The following RNF144A variants were observed in gnomAD, a reference collection of about 807,000 sequenced individuals.
RNF144A encodes the protein ring finger protein 144A.
Under a neutral mutation model 38.7 loss-of-function variants are expected in RNF144A, and 11 were observed. That is an observed-to-expected ratio of 0.28 (90% CI 0.18 to 0.47). The LOEUF (loss-of-function observed/expected upper bound fraction) is 0.47. Among genes scored for constraint, RNF144A ranks in the 20% least tolerant of loss-of-function variants. The probability of loss-of-function intolerance (pLI) is 0.99; values close to 1 mark genes in which losing one functional copy is unlikely to be tolerated. For synonymous variants in RNF144A, 149 were observed against 143.9 expected, an observed-to-expected ratio of 1.04 and a Z score of -0.25; for missense variants, 316 against 377.2, an observed-to-expected ratio of 0.84 and a Z score of 1.34.
intron 2 of RNF144A, among the ~76,000 whole-genome samples, chr2:6,973,139 T>A (rs115612747): frequency 1.5e-3 from 228 of 152,338 alleles, no homozygotes; most frequent in African/African-American, 5.2e-3. Context: ...CAGGTTCAGA[T>A]GGTGCCTTAG....
chr2:6,923,696 G>A (rs1664687199), intron 1 of RNF144A, among the ~76,000 whole-genome samples: 2 of 152,198 alleles, frequency 1.3e-5, no homozygotes, highest in African/African-American at 4.8e-5. Flanking sequence ...CGGAGTTAAA[G>A]CTCCAGGGTC....
intron 2 of RNF144A, among the ~76,000 whole-genome samples, chr2:6,966,450 G>C (rs1475331062): frequency 2.0e-5 from 3 of 152,216 alleles, no homozygotes; most frequent in Non-Finnish European, 2.9e-5. Context: ...AGACTAAACA[G>C]CCGTGGTCAG....
Position 6,966,423 on chromosome 2 carries a change from A to T in RNF144A, c.-12+25276A>T, listed in dbSNP as rs371054232. Among the ~76,000 whole-genome samples, 31 of 152,342 alleles carry T rather than the reference A, an allele frequency of 2.0e-4. No individual in the cohort carries two copies. In the South Asian group the frequency reaches 2.3e-3, roughly 11 times the overall value. On this transcript the variant is annotated intron_variant, in intron 2 of 8. Transcript: ENST00000320892. Reference sequence around the variant, plus strand: ...TCTTCACCTTCTAGCTAGGATGCAGAAACAGCAGCAACACGAAGACTAAAC... The same window carrying T: ...TCTTCACCTTCTAGCTAGGATGCAGTAACAGCAGCAACACGAAGACTAAAC...
At chr2:7,016,938 C>T (rs974406424) in intron 5 of RNF144A, among the ~76,000 whole-genome samples, 2 of 152,170 alleles carry the variant, frequency 1.3e-5, no homozygotes, top group Non-Finnish European at 2.9e-5. Context: ...TTGGTTTTAG[C>T]GTCAATGTCT....
At position 7,043,126 on chromosome 2, in the gene RNF144A, C is replaced by T. The variant is rs544080252; in HGVS notation, c.*3366C>T. 1 of 950,508 alleles carries T rather than the reference C, an allele frequency of 1.1e-6. No individual in the cohort carries two copies. The highest frequency in any genetic ancestry group is 1.3e-6 in the Non-Finnish European group (1 of 798,224). 58.9% of individuals were successfully genotyped at this position (950,508 alleles called of 1,614,324 possible). A position where few individuals can be genotyped will look rare whatever the true frequency, so the allele number is the denominator to read the frequency against. ...CAGGTGATCTGCCCACCTCGGCTTC[C>T]CAAAGTGCTGGAATTACAGGCCTGA... On this transcript the variant is annotated 3_prime_UTR_variant, in exon 9 of 9. Coordinates refer to ENST00000320892, the MANE Select transcript of RNF144A (RefSeq NM_014746.6).
chr2:7,068,504 G>A (rs1442288799), downstream of RNF144A, among the ~76,000 whole-genome samples: 1 of 152,202 alleles, frequency 6.6e-6, no homozygotes, highest in Non-Finnish European at 1.5e-5. Context: ...GAAAGAGAGG[G>A]TGATAGCAGT....
At chr2:6,987,304 G>A (rs77726351) in intron 2 of RNF144A, among the ~76,000 whole-genome samples, 1 of 152,308 alleles carries the variant, frequency 6.6e-6, no homozygotes. Flanking sequence ...GAGGCGTCTC[G>A]GGGCCACACC....
chr2:7,074,779 G>C, the RNF144A span: 5 of 152,998 alleles, frequency 3.3e-5, no homozygotes, highest in Non-Finnish European at 5.8e-5. Flanking sequence ...AAGAAAAAAA[G>C]GAAGGAAGGA....
intron 6 of RNF144A, among the ~76,000 whole-genome samples, chr2:7,023,412 A>G (rs1671664369): frequency 6.6e-6 from 1 of 152,146 alleles, no homozygotes; most frequent in South Asian, 2.1e-4. Flanking sequence ...ATACCCATAC[A>G]TGTGTTAAAT....
chr2:7,034,921 G>A (rs1334224349), intron 8 of RNF144A, among the ~76,000 whole-genome samples: 3 of 152,192 alleles, frequency 2.0e-5, no homozygotes, highest in Non-Finnish European at 4.4e-5. Context: ...AGAGGGTGTG[G>A]TGTCTTGCTG....
chr2:6,928,159 G>A (rs937210237), intron 1 of RNF144A, among the ~76,000 whole-genome samples: 4 of 152,210 alleles, frequency 2.6e-5, no homozygotes, highest in African/African-American at 9.6e-5. Flanking sequence ...TGTTCAACCA[G>A]CTCAACTCTG....
intron 3 of RNF144A, among the ~76,000 whole-genome samples, chr2:7,006,176 T>A (rs1670431054): frequency 6.6e-6 from 1 of 152,184 alleles, no homozygotes; most frequent in Non-Finnish European, 1.5e-5. Flanking sequence ...GACGAGGGTC[T>A]GGAGTTGTCG....
chr2:6,965,254 A>C (rs1667587203), intron 2 of RNF144A, among the ~76,000 whole-genome samples: 6 of 152,176 alleles, frequency 3.9e-5, no homozygotes, highest in Admixed American at 3.9e-4. Flanking sequence ...TGGAGGGAAA[A>C]TAGGGAAATA....
At chr2:6,940,566 A>G (rs968242489) in intron 1 of RNF144A, among the ~76,000 whole-genome samples, 1 of 151,164 alleles carries the variant, frequency 6.6e-6, no homozygotes, top group African/African-American at 2.4e-5. Context: ...TTATTTTATT[A>G]TATACTTCTG....
chr2:7,020,461 T>G lies in RNF144A; in HGVS notation c.302-12T>G. On this transcript the variant is annotated splice_polypyrimidine_tract_variant and intron_variant, in intron 5 of 8. Coordinates refer to ENST00000320892, the MANE Select transcript of RNF144A (RefSeq NM_014746.6). ...TTAAGTTTGATTTGTCCATTTTGTC[T>G]CACTGTACCAGAGGTGCTGTTTGAT... 1 of 1,609,170 alleles carries G rather than the reference T, an allele frequency of 6.2e-7. No homozygotes were observed. The highest frequency in any genetic ancestry group is 8.5e-7 in the Non-Finnish European group (1 of 1,176,186).
At chr2:6,953,796 T>C (rs1306302969) in intron 2 of RNF144A, among the ~76,000 whole-genome samples, 1 of 152,204 alleles carries the variant, frequency 6.6e-6, no homozygotes, top group East Asian at 1.9e-4. Flanking sequence ...TTTCTACATT[T>C]TCACTAGTTT....
chr2:6,939,909 C>T (rs962440661), intron 1 of RNF144A, among the ~76,000 whole-genome samples: 1 of 152,100 alleles, frequency 6.6e-6, no homozygotes, highest in African/African-American at 2.4e-5. Flanking sequence ...ATCTATTAAT[C>T]CATATGTCTG....
chr2:6,934,557 T>C (rs191848649), intron 1 of RNF144A, among the ~76,000 whole-genome samples: 1 of 152,362 alleles, frequency 6.6e-6, no homozygotes, highest in Admixed American at 6.5e-5. Context: ...CCTGCTGGGT[T>C]ATACATATTT....
intron 2 of RNF144A, among the ~76,000 whole-genome samples, chr2:6,956,172 T>C (rs1666982251): frequency 2.0e-5 from 3 of 152,084 alleles, no homozygotes. Flanking sequence ...GTCTGATTCA[T>C]AGAGGATTGT....
Sources: gnomAD v4.1 joint callset for allele counts (sites outside exome capture counted in the v4.1 genomes callset) on GRCh38, gnomAD v4.1.1 for gene constraint, MANE v1.5 for transcripts, NCBI Gene and HGNC (gene_info 2026-07-23, HGNC 2026-07-21) for gene names.